The following ERAP1 variants were observed in gnomAD, a reference collection of about 807,000 sequenced individuals.
The protein encoded by ERAP1 is adipocyte-derived leucine aminopeptidase.
A neutral mutation model predicts 103.7 loss-of-function variants in ERAP1; 86 were observed. The observed-to-expected ratio is 0.83, with a 90% CI of 0.70 to 0.99. The LOEUF is 0.99. Among genes scored for constraint, ERAP1 ranks in the 50% least tolerant of loss-of-function variants. The pLI, the probability that ERAP1 is intolerant of heterozygous loss-of-function variation, is 0.00. For synonymous variants in ERAP1, 398 were observed against 402.4 expected, an observed-to-expected ratio of 0.99 and a Z score of 0.13; for missense variants, 1,009 against 1,128.4, an observed-to-expected ratio of 0.89 and a Z score of 1.52.
At chr5:96,917,905 C>CAAA in the ERAP1 span, 1,357 of 50,170 alleles carry the variant, frequency 0.027, 43 homozygotes, top group South Asian at 0.079. Flanking sequence ...GACTCTGTCT[C>CAAA]AAAAAAAAAA....
the ERAP1 span, among the ~76,000 whole-genome samples, chr5:96,856,279 A>G: frequency 2.2e-5 from 3 of 133,492 alleles, no homozygotes; most frequent in Non-Finnish European, 4.7e-5. Flanking sequence ...AGATTGCACC[A>G]TTGCACTCCA....
chr5:96,780,921 A>C lies in ERAP1; in HGVS notation c.2588+137T>G. On this transcript the variant is annotated intron_variant, in intron 17 of 18. Coordinates refer to ENST00000443439, the MANE Select transcript of ERAP1 (RefSeq NM_001040458.3). Reference sequence around the variant, plus strand: ...GTCCAGTTTTATGTTTTCTACAAATATTTTAGGTATTTCTACTGCCTATCT... The same window carrying C: ...GTCCAGTTTTATGTTTTCTACAAATCTTTTAGGTATTTCTACTGCCTATCT... The C allele has an allele frequency of 3.1e-6, 3 of 957,742 alleles. No individual in the cohort carries two copies. In the South Asian group the frequency reaches 4.3e-5, roughly 14 times the overall value. The allele number at this position is 957,742 out of a possible 1,614,324, so 59.3% of individuals were successfully genotyped here.
At chr5:96,851,521 A>C in the ERAP1 span, among the ~76,000 whole-genome samples, 3 of 152,224 alleles carry the variant, frequency 2.0e-5, no homozygotes, top group African/African-American at 7.2e-5. Context: ...AATGATGTCA[A>C]GCATTGTTCT....
upstream of ERAP1, among the ~76,000 whole-genome samples, chr5:96,812,919 G>A (rs1779233302): frequency 6.6e-6 from 1 of 152,168 alleles, no homozygotes; most frequent in Non-Finnish European, 1.5e-5. Context: ...TTGTGATTAT[G>A]GAAGAAATGA....
intron 1 of ERAP1, chr5:96,804,321 C>G (rs1581640331): frequency 3.1e-5 from 10 of 322,336 alleles, no homozygotes; most frequent in South Asian, 2.7e-4. Context: ...TTTGGGAAAC[C>G]AGGCTCATGA....
At chr5:96,801,898 G>A (rs552199934) in intron 2 of ERAP1, among the ~76,000 whole-genome samples, 1 of 146,150 alleles carries the variant, frequency 6.8e-6, no homozygotes, top group Non-Finnish European at 1.5e-5. Context: ...AACAACCAAG[G>A]GAATCTCAGG....
chr5:96,825,717 C>G, the ERAP1 span, among the ~76,000 whole-genome samples: 2 of 152,162 alleles, frequency 1.3e-5, no homozygotes, highest in East Asian at 3.8e-4. Context: ...AGCTATTGTT[C>G]CTTCTACTTG....
chr5:96,791,834 A>C (rs532609023), intron 8 of ERAP1, among the ~76,000 whole-genome samples: 1 of 152,240 alleles, frequency 6.6e-6, no homozygotes, highest in Non-Finnish European at 1.5e-5. Context: ...GTAAGCCATG[A>C]ATTTTCAACC....
the ERAP1 span, among the ~76,000 whole-genome samples, chr5:96,922,941 G>A: frequency 6.6e-6 from 1 of 151,182 alleles, no homozygotes; most frequent in Non-Finnish European, 1.5e-5. Flanking sequence ...GTGCCTCTGC[G>A]AGGCCTCACT....
the ERAP1 span, among the ~76,000 whole-genome samples, chr5:96,853,781 C>T: frequency 1.3e-5 from 2 of 148,944 alleles, no homozygotes; most frequent in East Asian, 3.9e-4. Flanking sequence ...GTTTTGTGAG[C>T]GAGTACCTAA....
the ERAP1 span, among the ~76,000 whole-genome samples, chr5:96,910,658 A>T: frequency 2.0e-5 from 3 of 152,214 alleles, no homozygotes; most frequent in Non-Finnish European, 2.9e-5. Flanking sequence ...ATAAGTGTTC[A>T]ACATGTTGAA....
chr5:96,840,881 T>C, the ERAP1 span, among the ~76,000 whole-genome samples: 1 of 151,818 alleles, frequency 6.6e-6, no homozygotes, highest in East Asian at 1.9e-4. Flanking sequence ...AATTTTTCTA[T>C]TTTTAGTAGA....
At chr5:96,901,481 T>A in the ERAP1 span, 1 of 1,610,110 alleles carries the variant, frequency 6.2e-7, no homozygotes, top group Non-Finnish European at 8.5e-7. Context: ...CTCTCTTGAG[T>A]TATCATAGTC....
the ERAP1 span, among the ~76,000 whole-genome samples, chr5:96,833,578 T>C: frequency 6.6e-6 from 1 of 151,886 alleles, no homozygotes. Flanking sequence ...TTTTAGGGAG[T>C]GGGAAGACAT....
upstream of ERAP1, among the ~76,000 whole-genome samples, chr5:96,812,215 A>G (rs915242119): frequency 2.1e-4 from 32 of 152,240 alleles, no homozygotes; most frequent in African/African-American, 7.0e-4. Context: ...CACACAAGAG[A>G]AAGCAATGAA....
At chr5:96,900,136 G>C in the ERAP1 span, 1 of 1,613,880 alleles carries the variant, frequency 6.2e-7, no homozygotes, top group Non-Finnish European at 8.5e-7. Context: ...TTTAGAAAGT[G>C]ATTTTACATC....
chr5:96,762,237 TACA>T (rs779151115), exon 20 of ERAP1: 2 of 1,368,098 alleles, frequency 1.5e-6, no homozygotes, highest in African/African-American at 2.9e-5. Context: ...TAATTTTATA[TACA>T]ACATGTTACT....
chr5:96,896,965 T>TAAGTCATATGTTGGATAACGATAGACTG, the ERAP1 span: 1 of 987,684 alleles, frequency 1.0e-6, no homozygotes, highest in Non-Finnish European at 1.4e-6. Context: ...GTCAACCATA[T>TAAGTCATATGTTGGATAACGATAGACTG]TTATTCTGCT....
chr5:96,901,713 C>T, the ERAP1 span: 7 of 1,599,548 alleles, frequency 4.4e-6, no homozygotes, highest in Non-Finnish European at 5.1e-6. Context: ...GTCTAGCTTA[C>T]CTCATCTCAG....
Sources: allele counts gnomAD v4.1 joint callset (sites outside exome capture counted in the v4.1 genomes callset), GRCh38; gene constraint gnomAD v4.1.1; transcripts MANE v1.5; gene names NCBI Gene and HGNC (gene_info 2026-07-23, HGNC 2026-07-21).